Variants in ITPR2 observed in about 807,000 individuals in gnomAD.
ITPR2 encodes the protein inositol 1,4,5-trisphosphate receptor type 2.
Under a neutral mutation model 317.1 loss-of-function variants are expected in ITPR2, and 207 were observed. That is an observed-to-expected ratio of 0.65 (90% CI 0.58 to 0.73). The LOEUF is 0.73. Ranked by LOEUF, ITPR2 falls within the 30% of genes least tolerant of loss-of-function variation. The pLI is 0.00. For synonymous variants in ITPR2, 1,156 were observed against 1,149.1 expected, an observed-to-expected ratio of 1.01 and a Z score of -0.12; for missense variants, 2,613 against 3,284.0, an observed-to-expected ratio of 0.80 and a Z score of 4.99.
At position 26,415,766 on chromosome 12, in the gene ITPR2, A is replaced by T. The variant is rs114788721; in HGVS notation, c.7111-268T>A. 7.7e-3 allele frequency among the ~76,000 whole-genome samples: 1,166 copies of T among 152,310 alleles called. 16 individuals carry two copies. The highest frequency in any genetic ancestry group is 0.026 in the African/African-American group (1,071 of 41,580). Reference sequence around the variant, plus strand: ...CAACATAATATCAATTTACTAAAACATTACAGAAATAGCTTAGTTTTACAT... The same window carrying T: ...CAACATAATATCAATTTACTAAAACTTTACAGAAATAGCTTAGTTTTACAT... On this transcript the variant is annotated intron_variant, in intron 50 of 56. Coordinates refer to ENST00000381340, the MANE Select transcript of ITPR2 (RefSeq NM_002223.4).
chr12:26,396,022 A>C (rs959900732), intron 54 of ITPR2, among the ~76,000 whole-genome samples: 1 of 152,184 alleles, frequency 6.6e-6, no homozygotes, highest in Admixed American at 6.5e-5. Flanking sequence ...TCATTTAAAA[A>C]TTTTTTTATG....
intron 26 of ITPR2, among the ~76,000 whole-genome samples, chr12:26,613,182 A>G (rs1230939649): frequency 2.0e-5 from 3 of 152,228 alleles, no homozygotes; most frequent in African/African-American, 7.2e-5. Flanking sequence ...TGAAATGTAC[A>G]CTTTACACAG....
At chr12:26,653,272 G>A in intron 21 of ITPR2, among the ~76,000 whole-genome samples, 1 of 132,652 alleles carries the variant, frequency 7.5e-6, no homozygotes, top group Non-Finnish European at 1.6e-5. Context: ...TTGAGATGGA[G>A]TCTCACTCTG....
At chr12:26,389,123 C>T (rs980002599) in intron 54 of ITPR2, among the ~76,000 whole-genome samples, 1 of 152,156 alleles carries the variant, frequency 6.6e-6, no homozygotes, top group Non-Finnish European at 1.5e-5. Context: ...GCAATAGACT[C>T]CCAGGCCCCC....
intron 45 of ITPR2, among the ~76,000 whole-genome samples, chr12:26,448,870 C>A (rs1285552390): frequency 6.6e-6 from 1 of 152,072 alleles, no homozygotes; most frequent in African/African-American, 2.4e-5. Context: ...TAAGTGCAAA[C>A]CTTATACATA....
chr12:26,732,034 T>C (rs2137063494), intron 2 of ITPR2, among the ~76,000 whole-genome samples: 1 of 152,060 alleles, frequency 6.6e-6, no homozygotes, highest in South Asian at 2.1e-4. Context: ...CCCACCTGCC[T>C]TGCCTAAGGC....
In ITPR2 at chr12:26,682,018, G is replaced by A; in HGVS notation, c.1265C>T (p.Thr422Ile). Residue 422 changes from threonine to isoleucine, a missense_variant, in exon 13 of 57, where the codon ACC becomes ATC. Physicochemically the swap from Thr to Ile is moderately conservative, Grantham distance 89. Coordinates refer to ENST00000381340, the MANE Select transcript of ITPR2 (RefSeq NM_002223.4). The stretch of plus-strand genomic sequence containing the variant: ...TGCGAACGCTTCTTTATCTTCTTTG[G>A]TTTGGCAGGTTCCAATCTGAAATGT... ...PVMLKIGTCQ[T>I]KEDKEAFAIV... is the part of the protein sequence containing the mutation. The A allele has an allele frequency of 6.2e-7, 1 of 1,612,162 alleles. No individual in the cohort carries two copies. The highest frequency in any genetic ancestry group is 8.5e-7 in the Non-Finnish European group (1 of 1,179,006).
chr12:26,400,361 A>G (rs1184661199), intron 52 of ITPR2, 103 bp from the exon 53 acceptor site: 5 of 498,310 alleles, frequency 1.0e-5, no homozygotes, highest in African/African-American at 2.0e-5. Context: ...ACATACATAT[A>G]CATAAGTATG....
chr12:26,796,430 G>T (rs537309322), intron 1 of ITPR2, among the ~76,000 whole-genome samples: 1 of 152,108 alleles, frequency 6.6e-6, no homozygotes, highest in Non-Finnish European at 1.5e-5. Context: ...CAACAAATTG[G>T]TAAAAAGTAA....
chr12:26,551,900 A>G (rs1428263101), intron 36 of ITPR2, among the ~76,000 whole-genome samples: 1 of 152,204 alleles, frequency 6.6e-6, no homozygotes, highest in Non-Finnish European at 1.5e-5. Flanking sequence ...ATTAACCTCA[A>G]GAGTCTGGAA....
intron 22 of ITPR2, among the ~76,000 whole-genome samples, chr12:26,631,478 G>A (rs948571747): frequency 1.3e-5 from 2 of 152,160 alleles, no homozygotes; most frequent in Non-Finnish European, 2.9e-5. Context: ...GGAATCACAT[G>A]TTCAATTCAA....
At chr12:26,661,293 A>AGGGGGG (rs1947496300) in intron 15 of ITPR2, among the ~76,000 whole-genome samples, 1 of 8,242 alleles carries the variant, frequency 1.2e-4, no homozygotes, top group Non-Finnish European at 2.1e-4. Context: ...GGGGGGTGGG[A>AGGGGGG]GGGAACGGGC....
intron 55 of ITPR2, among the ~76,000 whole-genome samples, chr12:26,342,953 T>G (rs190622045): frequency 6.6e-6 from 1 of 152,044 alleles, no homozygotes; most frequent in Non-Finnish European, 1.5e-5. Context: ...GGGGAGTGGA[T>G]TAGTTCCCAT....
At chr12:26,529,334 C>T (rs1413687523) in intron 37 of ITPR2, among the ~76,000 whole-genome samples, 1 of 152,200 alleles carries the variant, frequency 6.6e-6, no homozygotes. Flanking sequence ...CTACCTGTCA[C>T]TGAGCCCTTT....
chr12:26,758,991 C>T (rs1333939543), intron 2 of ITPR2, among the ~76,000 whole-genome samples: 3 of 152,192 alleles, frequency 2.0e-5, no homozygotes, highest in African/African-American at 7.2e-5. Flanking sequence ...ACCTTCTGGA[C>T]ATCATGGTCC....
intron 29 of ITPR2, 61 bp from the exon 30 acceptor site, chr12:26,599,406 C>G (rs1945937496): frequency 7.0e-7 from 1 of 1,423,116 alleles, no homozygotes; most frequent in African/African-American, 1.4e-5. Flanking sequence ...TTCTACAGTA[C>G]TTAGACTAAT....
intron 2 of ITPR2, among the ~76,000 whole-genome samples, chr12:26,729,809 G>A (rs1043014778): frequency 6.6e-6 from 1 of 152,068 alleles, no homozygotes; most frequent in African/African-American, 2.4e-5. Flanking sequence ...CCTTTTGGAG[G>A]ATGGAGGATG....
chr12:26,643,069 G>C (rs189258513), intron 21 of ITPR2, among the ~76,000 whole-genome samples: 21 of 152,216 alleles, frequency 1.4e-4, no homozygotes, highest in African/African-American at 5.1e-4. Context: ...GGGCTCTTTC[G>C]AAAGATGCCC....
chr12:26,462,910 G>T (rs1346229334), intron 45 of ITPR2, among the ~76,000 whole-genome samples: 1 of 152,098 alleles, frequency 6.6e-6, no homozygotes, highest in South Asian at 2.1e-4. Flanking sequence ...GACCTCAAAT[G>T]ATCTACCTGC....
Sources: gnomAD v4.1 joint callset for allele counts (sites outside exome capture counted in the v4.1 genomes callset) on GRCh38, gnomAD v4.1.1 for gene constraint, MANE v1.5 for transcripts, NCBI Gene and HGNC (gene_info 2026-07-23, HGNC 2026-07-21) for gene names.